The following TMEM237 variants were observed in gnomAD, a reference collection of about 807,000 sequenced individuals.
The protein encoded by TMEM237 is amyotrophic lateral sclerosis 2 (juvenile) chromosome region, candidate 4.
In TMEM237, 51 loss-of-function variants were observed where a neutral mutation model predicts 59.1. That is an observed-to-expected ratio of 0.86 (90% confidence interval 0.69 to 1.09). The LOEUF is 1.09. Among genes scored for constraint, TMEM237 ranks in the 50% least tolerant of loss-of-function variants. The probability of loss-of-function intolerance (pLI) is 0.00; values close to 1 mark genes in which losing one functional copy is unlikely to be tolerated. For synonymous variants in TMEM237, 140 were observed against 166.1 expected, an observed-to-expected ratio of 0.84 and a Z score of 1.21; for missense variants, 475 against 478.3, an observed-to-expected ratio of 0.99 and a Z score of 0.06.
intron 8 of TMEM237, 30 bp downstream of exon 8, chr2:201,629,694 ATTTAT>A (rs1447931219): frequency 1.3e-6 from 2 of 1,583,388 alleles, no homozygotes; most frequent in African/African-American, 2.7e-5. Flanking sequence ...CTCAGTTAAC[ATTTAT>A]TTTAAGAAAA....
chr2:201,621,864 C>T lies in TMEM237; in HGVS notation c.*2391G>A, dbSNP rs1201834992. The T allele has an allele frequency of 2.0e-5, 3 of 152,748 alleles. No individual in the cohort carries two copies. The highest frequency in any genetic ancestry group is 4.2e-4 in the South Asian group (2 of 4,818). The allele number at this position is 152,748 out of a possible 1,614,324, so 9.5% of individuals were successfully genotyped here. ...AAGTTACATGAATTCTCATCGACGG[C>T]CTCAGCAATGTGCCTCAAGTGTCAC... On this transcript the variant is annotated 3_prime_UTR_variant, in exon 13 of 13. Transcript: ENST00000409883.
chr2:201,637,372 T>G (rs1218373022), intron 4 of TMEM237, among the ~76,000 whole-genome samples: 1 of 152,202 alleles, frequency 6.6e-6, no homozygotes, highest in Non-Finnish European at 1.5e-5. Context: ...TTCAACTTCT[T>G]CCCTCATGAA....
rs2105894867 is a variant in TMEM237, at chr2:201,621,224, TCAGA to T, written c.*3027_*3030del. 1 of 152,266 alleles carries T rather than the reference TCAGA, an allele frequency of 6.6e-6. No homozygotes were observed. Among genetic ancestry groups the T allele is most frequent in the Non-Finnish European group, 1.5e-5 (1 of 68,002 alleles). 9.4% of individuals were successfully genotyped at this position (152,266 alleles called of 1,614,324 possible). On this transcript the variant is annotated 3_prime_UTR_variant, in exon 13 of 13. Transcript: ENST00000409883. The stretch of plus-strand genomic sequence containing the variant: ...ATTAAGTGATGTCATTAGGAAAAAG[TCAGA>T]CAATTAAAAAATGTAGGTGAGGCAC...
chr2:201,637,518 C>A (rs1422711085), intron 4 of TMEM237, among the ~76,000 whole-genome samples: 1 of 152,058 alleles, frequency 6.6e-6, no homozygotes, highest in Non-Finnish European at 1.5e-5. Context: ...CCAAAGCAGG[C>A]GGATCACATG....
intron 11 of TMEM237, 127 bp from the exon 12 acceptor site, chr2:201,626,274 A>C: frequency 3.9e-6 from 4 of 1,022,258 alleles, no homozygotes; most frequent in Non-Finnish European, 5.6e-6. Context: ...AAAGTGTGAA[A>C]GAAAATATAA....
intron 1 of TMEM237, chr2:201,642,677 C>T (rs1254162622): frequency 1.1e-5 from 17 of 1,604,892 alleles, no homozygotes; most frequent in Non-Finnish European, 1.3e-5. Flanking sequence ...ACCTGGCGCC[C>T]CACCCCTCCC....
chr2:201,640,314 A>C, intron 2 of TMEM237, 49 bp from the exon 3 acceptor site: 3 of 1,517,204 alleles, frequency 2.0e-6, no homozygotes. Flanking sequence ...GGACAAAGAC[A>C]AAAAAGAAAC....
At chr2:201,629,091 AAGT>A in intron 9 of TMEM237, 136 bp downstream of exon 9, 1 of 555,366 alleles carries the variant, frequency 1.8e-6, no homozygotes, top group African/African-American at 1.9e-5. Flanking sequence ...AAAAGAACAG[AAGT>A]AGACTGGCCT....
At position 201,624,223 on chromosome 2, in the gene TMEM237, T is replaced by C; in HGVS notation, c.*32A>G. 1 of 1,566,134 alleles carries C rather than the reference T, an allele frequency of 6.4e-7. No individual in the cohort carries two copies. Among genetic ancestry groups the C allele is most frequent in the Non-Finnish European group, 8.8e-7 (1 of 1,140,174 alleles). On this transcript the variant is annotated 3_prime_UTR_variant, in exon 13 of 13. Coordinates refer to ENST00000409883, the MANE Select transcript of TMEM237 (RefSeq NM_001044385.3). ...TTAAAAACAAAAATGGGACAAATAC[T>C]GGGTCATTATTCCTCCAAAGGTGAG... is the stretch of plus-strand genomic sequence containing the variant.
chr2:201,631,568 T>G (rs1957808015), intron 7 of TMEM237, among the ~76,000 whole-genome samples: 1 of 152,192 alleles, frequency 6.6e-6, no homozygotes, highest in Non-Finnish European at 1.5e-5. Context: ...TACTACCAAT[T>G]GCAGCAAACT....
chr2:201,638,699 T>C (rs889246649), intron 4 of TMEM237: 3 of 390,620 alleles, frequency 7.7e-6, no homozygotes, highest in South Asian at 4.8e-5. Flanking sequence ...ACCATGTATG[T>C]TGTCTGGGGA....
At chr2:201,629,939 C>T (rs575616362) in intron 7 of TMEM237, 87 bp from the exon 8 acceptor site, 20 of 1,526,876 alleles carry the variant, frequency 1.3e-5, no homozygotes, top group African/African-American at 4.2e-5. Flanking sequence ...CTCAGGAAGC[C>T]GCAAACTAAG....
rs373445814 is a variant in TMEM237 at position 201,624,299 on chromosome 2, C to T, written c.1183G>A (p.Glu395Lys). Residue 395 changes from glutamate to lysine, a missense_variant, in exon 13 of 13, where the codon GAA becomes AAA. Coordinates refer to ENST00000409883, the MANE Select transcript of TMEM237 (RefSeq NM_001044385.3). ...TCTTTCTCTTTATCAGGATATTCTTCCACCTCTGAGGAGAACATTAACTCT... is the reference window on the plus strand; with the variant it reads ...TCTTTCTCTTTATCAGGATATTCTTTCACCTCTGAGGAGAACATTAACTCT... ...SEELMFSSEV[E>K]EYPDKEKEIK... 2.8e-5 allele frequency: 45 copies of T among 1,612,146 alleles called. No individual in the cohort carries two copies. Among genetic ancestry groups the T allele is most frequent in the Non-Finnish European group, 3.6e-5 (42 of 1,179,024 alleles).
At chr2:201,636,975 T>C in intron 4 of TMEM237, 90 bp from the exon 5 acceptor site, 2 of 1,324,514 alleles carry the variant, frequency 1.5e-6, no homozygotes, top group Non-Finnish European at 2.0e-6. Context: ...ACTAGAATGT[T>C]TCCTATAGAA....
At chr2:201,630,900 G>A (rs1195522813) in intron 7 of TMEM237, 2 of 152,134 alleles carry the variant, frequency 1.3e-5, no homozygotes, top group African/African-American at 4.8e-5. Context: ...ATCTTCTGAA[G>A]TAGGGTTCTA....
At chr2:201,633,891 A>T (rs951317696) in intron 5 of TMEM237, among the ~76,000 whole-genome samples, 1 of 152,208 alleles carries the variant, frequency 6.6e-6, no homozygotes, top group Non-Finnish European at 1.5e-5. Context: ...ACATTACTGG[A>T]GAGTAATGAG....
At chr2:201,627,600 A>T (rs1242776149) in intron 10 of TMEM237, among the ~76,000 whole-genome samples, 186 bp from the exon 11 acceptor site, 1 of 152,218 alleles carries the variant, frequency 6.6e-6, no homozygotes, top group Non-Finnish European at 1.5e-5. Context: ...CAATAGGTGC[A>T]GAAGGATCTT....
At chr2:201,636,647 T>G in intron 5 of TMEM237, 101 bp downstream of exon 5, 3 of 1,344,598 alleles carry the variant, frequency 2.2e-6, no homozygotes, top group Non-Finnish European at 3.0e-6. Context: ...AAACCACCTG[T>G]GGGATATGGA....
chr2:201,629,887 G>C, intron 7 of TMEM237, 35 bp from the exon 8 acceptor site: 1 of 1,592,334 alleles, frequency 6.3e-7, no homozygotes, highest in South Asian at 1.2e-5. Context: ...AACAACTAGC[G>C]AGAGAGAACC....
Sources: gnomAD v4.1 joint callset for allele counts (sites outside exome capture counted in the v4.1 genomes callset) on GRCh38, gnomAD v4.1.1 for gene constraint, MANE v1.5 for transcripts, NCBI Gene and HGNC (gene_info 2026-07-23, HGNC 2026-07-21) for gene names.